UBE2L3: variants seen among roughly 807,000 people sequenced by gnomAD.
UBE2L3 encodes ubiquitin conjugating enzyme E2 L3, also known as ubiquitin-conjugating enzyme E2 L3.
UBE2L3 carries 1 observed loss-of-function variant against 17.8 expected under a neutral mutation model. The observed-to-expected ratio is 0.06, with a 90% confidence interval of 0.02 to 0.27. The LOEUF (loss-of-function observed/expected upper bound fraction) is 0.27. Ranked by LOEUF, UBE2L3 falls within the 10% of genes least tolerant of loss-of-function variation. UBE2L3 has a pLI of 1.00. For synonymous variants in UBE2L3, 44 were observed against 68.5 expected, an observed-to-expected ratio of 0.64 and a Z score of 1.76; for missense variants, 40 against 192.6, an observed-to-expected ratio of 0.21 and a Z score of 4.69.
intron 1 of UBE2L3, chr22:21,568,443 C>T (rs1601390804): frequency 2.0e-6 from 2 of 985,176 alleles, no homozygotes; most frequent in South Asian, 4.7e-5. Flanking sequence ...CTTCCCTCTC[C>T]TCCACTCAGT....
chr22:21,588,233 G>A (rs1194610949), intron 1 of UBE2L3, among the ~76,000 whole-genome samples: 1 of 152,104 alleles, frequency 6.6e-6, no homozygotes, highest in Non-Finnish European at 1.5e-5. Context: ...TTTTTATCAG[G>A]TCCTTTCTTC....
chr22:21,604,406 C>G (rs985317609), intron 2 of UBE2L3, among the ~76,000 whole-genome samples: 10 of 152,054 alleles, frequency 6.6e-5, no homozygotes, highest in African/African-American at 2.4e-4. Flanking sequence ...GGCTGAGAGA[C>G]AGGACAATCG....
At chr22:21,617,144 T>TAAAAAA (rs552706292) in intron 3 of UBE2L3, among the ~76,000 whole-genome samples, 3 of 110,684 alleles carry the variant, frequency 2.7e-5, no homozygotes, top group Non-Finnish European at 5.7e-5. Context: ...AACTCTGTCT[T>TAAAAAA]AAAAAAAAAA....
chr22:21,586,518 A>C (rs1006832064), intron 1 of UBE2L3, among the ~76,000 whole-genome samples: 2 of 147,212 alleles, frequency 1.4e-5, no homozygotes, highest in Non-Finnish European at 3.0e-5. Flanking sequence ...TGATCCGCCC[A>C]CCTCGGCCTC....
intron 3 of UBE2L3, among the ~76,000 whole-genome samples, chr22:21,620,984 C>T (rs1296924165): frequency 6.6e-6 from 1 of 152,154 alleles, no homozygotes; most frequent in Non-Finnish European, 1.5e-5. Flanking sequence ...TACTAGGCCT[C>T]CTATCTCCAG....
At chr22:21,576,260 GCACGCCAC>G (rs987939214) in intron 1 of UBE2L3, among the ~76,000 whole-genome samples, 3 of 151,454 alleles carry the variant, frequency 2.0e-5, no homozygotes, top group African/African-American at 7.3e-5. Flanking sequence ...GATTACAGGC[GCACGCCAC>G]CACGCCTGGC....
At position 21,605,799 on chromosome 22, in the gene UBE2L3, C is replaced by T. The variant is rs140540271; in HGVS notation, c.124-5058C>T. Among the ~76,000 whole-genome samples the T allele has an allele frequency of 9.7e-3, 1,474 of 152,288 alleles. 29 individuals are homozygous for T. Among genetic ancestry groups the T allele is most frequent in the African/African-American group, 0.034 (1,405 of 41,548 alleles). On this transcript the variant is annotated intron_variant, in intron 2 of 3. Coordinates refer to ENST00000342192, the MANE Select transcript of UBE2L3 (RefSeq NM_003347.4). ...GGGATTACAGGCATGAGCCACTGCGCCCAGTCTGTTTTTGGCTTTTTTGAG... is the reference window on the plus strand; with the variant it reads ...GGGATTACAGGCATGAGCCACTGCGTCCAGTCTGTTTTTGGCTTTTTTGAG...
chr22:21,618,504 G>A (rs1481973036), intron 3 of UBE2L3, among the ~76,000 whole-genome samples: 2 of 151,914 alleles, frequency 1.3e-5, no homozygotes, highest in African/African-American at 4.8e-5. Context: ...GGCGGAGCTT[G>A]CAGTGAGCCG....
intron 1 of UBE2L3, among the ~76,000 whole-genome samples, chr22:21,590,486 A>G (rs560654904): frequency 5.9e-5 from 9 of 152,322 alleles, no homozygotes; most frequent in Admixed American, 4.6e-4. Flanking sequence ...GCGTGAGCCA[A>G]CGCACTCAGC....
chr22:21,601,061 C>T (rs1262396204), intron 2 of UBE2L3, among the ~76,000 whole-genome samples: 1 of 151,728 alleles, frequency 6.6e-6, no homozygotes, highest in Non-Finnish European at 1.5e-5. Context: ...GTCCCAGCTA[C>T]TTGGGAGGCA....
At chr22:21,557,393 AC>A (rs1926271274) in intron 1 of UBE2L3, among the ~76,000 whole-genome samples, 2 of 152,180 alleles carry the variant, frequency 1.3e-5, no homozygotes, top group South Asian at 2.1e-4. Flanking sequence ...GAAAAACCCA[AC>A]CCCCCAAAAT....
At chr22:21,621,478 TG>T (rs1298722626) in intron 3 of UBE2L3, 36 bp from the exon 4 acceptor site, 8 of 1,542,228 alleles carry the variant, frequency 5.2e-6, no homozygotes, top group Non-Finnish European at 7.0e-6. Context: ...TTTCTGAGAC[TG>T]TGTTAACCCC....
upstream of UBE2L3, among the ~76,000 whole-genome samples, chr22:21,567,351 G>C (rs1354528259): frequency 6.6e-6 from 1 of 152,138 alleles, no homozygotes; most frequent in Non-Finnish European, 1.5e-5. Context: ...TTTTAGTAGA[G>C]ACCGAGTTTC....
chr22:21,586,997 T>C (rs1451597825), intron 1 of UBE2L3, among the ~76,000 whole-genome samples: 2 of 150,550 alleles, frequency 1.3e-5, no homozygotes, highest in African/African-American at 4.9e-5. Context: ...GCAATTCTCA[T>C]GCCTCAGCCT....
intron 1 of UBE2L3, among the ~76,000 whole-genome samples, chr22:21,589,795 A>G (rs949774094): frequency 3.9e-5 from 6 of 152,176 alleles, no homozygotes; most frequent in African/African-American, 1.4e-4. Flanking sequence ...AATCATGTAA[A>G]GGAGGTTGCC....
At chr22:21,616,292 T>G (rs1929766778) in intron 3 of UBE2L3, among the ~76,000 whole-genome samples, 2 of 152,272 alleles carry the variant, frequency 1.3e-5, no homozygotes, top group South Asian at 2.1e-4. Context: ...GATTAGTGAT[T>G]GTCAGGGTCT....
intron 3 of UBE2L3, among the ~76,000 whole-genome samples, chr22:21,612,997 C>G (rs1459837607): frequency 6.6e-6 from 1 of 152,136 alleles, no homozygotes; most frequent in South Asian, 2.1e-4. Context: ...TGCATTTGAT[C>G]AAGAGTGTTC....
chr22:21,593,325 T>C (rs1346294609), intron 2 of UBE2L3, among the ~76,000 whole-genome samples: 5 of 152,152 alleles, frequency 3.3e-5, no homozygotes, highest in Non-Finnish European at 5.9e-5. Flanking sequence ...GATATTTTGC[T>C]TTCTCTCTTG....
At chr22:21,618,460 G>A (rs1929893104) in intron 3 of UBE2L3, among the ~76,000 whole-genome samples, 1 of 151,934 alleles carries the variant, frequency 6.6e-6, no homozygotes, top group African/African-American at 2.4e-5. Flanking sequence ...CACTACCCGG[G>A]AGGCTGAGGC....
Sources: allele counts gnomAD v4.1 joint callset (sites outside exome capture counted in the v4.1 genomes callset), GRCh38; gene constraint gnomAD v4.1.1; transcripts MANE v1.5; gene names NCBI Gene and HGNC (gene_info 2026-07-23, HGNC 2026-07-21).